The following SEMA3A variants were observed in gnomAD, a reference collection of about 807,000 sequenced individuals.
SEMA3A encodes the protein semaphorin-3A.
SEMA3A carries 29 observed loss-of-function variants against 97.9 expected under a neutral mutation model. The observed-to-expected ratio is 0.30, with a 90% CI of 0.22 to 0.40. The LOEUF is 0.40. Among genes scored for constraint, SEMA3A ranks in the 10% least tolerant of loss-of-function variants. The pLI, the probability that SEMA3A is intolerant of heterozygous loss-of-function variation, is 1.00. For missense variants in SEMA3A, 763 were observed against 951.3 expected, an observed-to-expected ratio of 0.80 and a Z score of 2.60; for synonymous variants, 321 against 323.7, an observed-to-expected ratio of 0.99 and a Z score of 0.09.
intron 3 of SEMA3A, among the ~76,000 whole-genome samples, chr7:84,254,467 A>G (rs1280462176): frequency 6.6e-6 from 1 of 152,212 alleles, no homozygotes; most frequent in Non-Finnish European, 1.5e-5. Context: ...GCTATGATCT[A>G]AAAGTATACG....
rs1188685018 is a variant in SEMA3A, at chr7:84,448,853, A to G, written c.-246+43607T>C. ...AGCTCCAATACCCAAAACAATCTTG[A>G]AGAAGAATGGCAAATCTGGGGGCAT... On this transcript the variant is annotated intron_variant, in intron 1 of 3. Coordinates refer to the SEMA3A transcript ENST00000424555. 5.3e-5 allele frequency among the ~76,000 whole-genome samples: 8 copies of G among 152,252 alleles called. No individual in the cohort carries two copies. The Middle Eastern group carries it at 0.01, about 194-fold the overall frequency.
chr7:84,422,907 G>A (rs773160103), intron 1 of SEMA3A, among the ~76,000 whole-genome samples: 4 of 151,930 alleles, frequency 2.6e-5, no homozygotes, highest in Non-Finnish European at 5.9e-5. Flanking sequence ...GTACCAGCAT[G>A]CAAACTCAGT....
chr7:84,418,325 T>A (rs1804488959), intron 1 of SEMA3A, among the ~76,000 whole-genome samples: 1 of 152,056 alleles, frequency 6.6e-6, no homozygotes, highest in Non-Finnish European at 1.5e-5. Flanking sequence ...AGAGAGCATG[T>A]GCAGGGGAAC....
intron 1 of SEMA3A, among the ~76,000 whole-genome samples, chr7:84,477,687 G>A (rs1400265530): frequency 6.6e-6 from 1 of 151,530 alleles, no homozygotes. Context: ...GAGGTGTTGG[G>A]GTGTGAGATC....
chr7:84,420,612 C>G (rs1228961), intron 1 of SEMA3A, among the ~76,000 whole-genome samples: 26,964 of 151,844 alleles, frequency 0.18, 2,535 homozygotes, highest in Middle Eastern at 0.23. Context: ...ACGTAAATCT[C>G]CTGATTCAAG....
intron 12 of SEMA3A, among the ~76,000 whole-genome samples, chr7:83,991,530 G>A (rs1045969403): frequency 1.3e-5 from 2 of 151,776 alleles, no homozygotes; most frequent in African/African-American, 4.8e-5. Flanking sequence ...TTAGCATGAA[G>A]GGTTGTTGAA....
At chr7:84,286,787 A>G (rs1428917128) in intron 3 of SEMA3A, among the ~76,000 whole-genome samples, 2 of 152,024 alleles carry the variant, frequency 1.3e-5, no homozygotes, top group Admixed American at 6.6e-5. Flanking sequence ...CTGTTTTAGG[A>G]CCTTAGCGAG....
At chr7:83,981,571 A>T in intron 13 of SEMA3A, 93 bp from the exon 14 acceptor site, 1 of 1,091,926 alleles carries the variant, frequency 9.2e-7, no homozygotes, top group South Asian at 2.3e-5. Flanking sequence ...ATAACTTCTC[A>T]GAGATAAATT....
chr7:84,425,322 A>G (rs1389823859), intron 1 of SEMA3A, among the ~76,000 whole-genome samples: 2 of 107,986 alleles, frequency 1.9e-5, no homozygotes, highest in South Asian at 2.6e-4. Flanking sequence ...ATAATGATAT[A>G]AATATAAATA....
intron 2 of SEMA3A, among the ~76,000 whole-genome samples, chr7:84,355,768 T>C (rs950583188): frequency 6.6e-6 from 1 of 151,740 alleles, no homozygotes; most frequent in East Asian, 1.9e-4. Context: ...AAGAGAAAAC[T>C]GAAGGAAATT....
rs543922609 is a variant in SEMA3A at position 84,161,441 on chromosome 7, T to C, written c.113-26490A>G. ...AATCCTTAGACTACAAAGCACTGTC[T>C]ATAGTACAAATCATCCCTGACACCC... is the stretch of plus-strand genomic sequence containing the variant. On this transcript the variant is annotated intron_variant, in intron 1 of 16. Transcript: ENST00000265362. Among the ~76,000 whole-genome samples, 14 of 152,320 alleles carry C rather than the reference T, an allele frequency of 9.2e-5. No homozygotes were observed. In the South Asian group the frequency reaches 1.2e-3, roughly 14 times the overall value.
intron 4 of SEMA3A, among the ~76,000 whole-genome samples, chr7:84,096,601 T>A (rs1049942088): frequency 2.6e-5 from 4 of 152,088 alleles, no homozygotes; most frequent in African/African-American, 9.6e-5. Context: ...TATTATTAAA[T>A]TTTTTAGACT....
intron 3 of SEMA3A, among the ~76,000 whole-genome samples, chr7:84,283,729 C>A (rs1161640921): frequency 6.6e-6 from 1 of 151,980 alleles, no homozygotes; most frequent in Non-Finnish European, 1.5e-5. Flanking sequence ...TTGGAATTTA[C>A]TAGTTTAAAA....
intron 15 of SEMA3A, among the ~76,000 whole-genome samples, chr7:83,966,533 C>T (rs1788698973): frequency 6.6e-6 from 1 of 151,896 alleles, no homozygotes; most frequent in Non-Finnish European, 1.5e-5. Flanking sequence ...CCTTTTTGTC[C>T]AACAAAAAGA....
chr7:84,067,609 G>A lies in SEMA3A; in HGVS notation c.454-7051C>T, dbSNP rs1018824535. On this transcript the variant is annotated intron_variant, in intron 4 of 16. Transcript: ENST00000265362. ...CAAACAACCCCATCAAAAAGTTGGC[G>A]AAGGACATGAACAGACACTTCTCAA... Among the ~76,000 whole-genome samples the A allele has an allele frequency of 3.1e-4, 47 of 152,202 alleles. No individual in the cohort carries two copies. In the East Asian group the frequency reaches 5.0e-3, roughly 16 times the overall value.
At chr7:84,063,695 A>G (rs199802527) in intron 4 of SEMA3A, among the ~76,000 whole-genome samples, 4,158 of 139,188 alleles carry the variant, frequency 0.03, 83 homozygotes, top group East Asian at 0.11. Flanking sequence ...TGAATGAAAT[A>G]AAGCGAGAAG....
chr7:84,058,882 T>A (rs1793103290), intron 5 of SEMA3A, among the ~76,000 whole-genome samples: 1 of 152,186 alleles, frequency 6.6e-6, no homozygotes, highest in South Asian at 2.1e-4. Flanking sequence ...GAGTTTCGTT[T>A]TCTTTGTGGA....
At chr7:83,996,052 A>T (rs570221075) in intron 12 of SEMA3A, among the ~76,000 whole-genome samples, 152 of 152,330 alleles carry the variant, frequency 1.0e-3, no homozygotes, top group African/African-American at 3.5e-3. Flanking sequence ...AGAACTATAA[A>T]TAAAGCCCAC....
rs149394237 is a variant in SEMA3A at position 84,279,393 on chromosome 7, G to A, written c.-83+27814C>T. On this transcript the variant is annotated intron_variant, in intron 3 of 3. Transcript: ENST00000424555. Reference sequence around the variant, plus strand: ...AATGCATAAAGTAGATACAACCTTGGAGAAATACTGGAAAATTCCACATTG... The same window carrying A: ...AATGCATAAAGTAGATACAACCTTGAAGAAATACTGGAAAATTCCACATTG... Among the ~76,000 whole-genome samples the A allele has an allele frequency of 8.2e-3, 1,254 of 152,082 alleles. 8 individuals carry two copies. The highest frequency in any genetic ancestry group is 0.013 in the Non-Finnish European group (864 of 68,000).
Sources: gnomAD v4.1 joint callset for allele counts (sites outside exome capture counted in the v4.1 genomes callset) on GRCh38, gnomAD v4.1.1 for gene constraint, MANE v1.5 for transcripts, NCBI Gene and HGNC (gene_info 2026-07-23, HGNC 2026-07-21) for gene names.